C10orf90: variants seen among roughly 807,000 people sequenced by gnomAD.
The protein encoded by C10orf90 is (E2-independent) E3 ubiquitin-conjugating enzyme FATS.
A neutral mutation model predicts 62.5 loss-of-function variants in C10orf90; 56 were observed. The ratio of observed to expected loss-of-function variants is 0.90; its 90% CI spans 0.72 to 1.12. C10orf90 has a LOEUF of 1.12. Among genes scored for constraint, C10orf90 ranks in the 50% most tolerant of loss-of-function variants. C10orf90 has a pLI of 0.00. For missense variants in C10orf90, 970 were observed against 880.4 expected (o/e 1.10, Z -1.29); for synonymous variants, 386 against 340.4 (o/e 1.13, Z -1.47).
chr10:126,539,572 C>T (rs149249360), intron 2 of C10orf90, among the ~76,000 whole-genome samples: 208 of 152,186 alleles, frequency 1.4e-3, no homozygotes, highest in African/African-American at 4.7e-3. Flanking sequence ...GAAATAAATT[C>T]GTTCCATAAA....
At chr10:126,434,742 C>T (rs1476366284) in intron 7 of C10orf90, among the ~76,000 whole-genome samples, 1 of 152,186 alleles carries the variant, frequency 6.6e-6, no homozygotes. Context: ...GATCACAAGG[C>T]TGTGCATTAT....
intron 2 of C10orf90, among the ~76,000 whole-genome samples, chr10:126,580,602 G>A (rs1240711870): frequency 5.3e-5 from 8 of 150,634 alleles, no homozygotes; most frequent in East Asian, 2.0e-4. Context: ...GCAGTGAGCC[G>A]AGATTGTGCC....
At chr10:126,638,391 C>G (rs1845995428) in intron 2 of C10orf90, among the ~76,000 whole-genome samples, 1 of 152,106 alleles carries the variant, frequency 6.6e-6, no homozygotes, top group African/African-American at 2.4e-5. Flanking sequence ...TTGCTGCACC[C>G]CTGACACTGC....
At chr10:126,524,821 G>A in intron 2 of C10orf90, 3 of 985,554 alleles carry the variant, frequency 3.0e-6, no homozygotes, top group Non-Finnish European at 2.4e-6. Context: ...GCATGTGTGA[G>A]AGGGAGGCAG....
Position 126,609,591 on chromosome 10 carries a change from G to A in C10orf90, c.313+36974C>T, listed in dbSNP as rs916512303. ...AATTGCGGTGCTCAGGTTCTGCCAAGGGCAGCAGACAGTGAACCACATGAA... is the reference window on the plus strand; with the variant it reads ...AATTGCGGTGCTCAGGTTCTGCCAAAGGCAGCAGACAGTGAACCACATGAA... On this transcript the variant is annotated intron_variant, in intron 2 of 9. Coordinates refer to ENST00000488181, the MANE Select transcript of C10orf90 (RefSeq NM_001350921.2). Among the ~76,000 whole-genome samples the A allele has an allele frequency of 1.6e-4, 24 of 152,334 alleles. No individual in the cohort carries two copies. The East Asian group carries it at 2.1e-3, about 13-fold the overall frequency.
chr10:126,502,085 C>A (rs1862431904), intron 4 of C10orf90, among the ~76,000 whole-genome samples: 1 of 146,014 alleles, frequency 6.8e-6, no homozygotes, highest in African/African-American at 2.6e-5. Context: ...ACACACACAC[C>A]ACACAACCAC....
intron 1 of C10orf90, among the ~76,000 whole-genome samples, chr10:126,653,529 G>T (rs1488165914): frequency 1.3e-5 from 2 of 152,094 alleles, no homozygotes; most frequent in South Asian, 2.1e-4. Context: ...ACATCTTCAG[G>T]CTCCACTTCT....
chr10:126,527,163 T>C (rs1157150043), intron 2 of C10orf90, among the ~76,000 whole-genome samples: 1 of 152,202 alleles, frequency 6.6e-6, no homozygotes, highest in Non-Finnish European at 1.5e-5. Context: ...AAGTGTACCA[T>C]TTTGCATTCC....
chr10:126,600,189 G>T (rs1845171654), intron 2 of C10orf90, among the ~76,000 whole-genome samples: 1 of 152,176 alleles, frequency 6.6e-6, no homozygotes, highest in Non-Finnish European at 1.5e-5. Context: ...ACGTGTGTGT[G>T]CATCGCATGT....
intron 2 of C10orf90, among the ~76,000 whole-genome samples, chr10:126,558,657 G>A (rs1236130098): frequency 1.3e-5 from 2 of 152,192 alleles, no homozygotes; most frequent in African/African-American, 2.4e-5. Flanking sequence ...CTTGCTCTGT[G>A]GCCCTCAGCA....
At chr10:126,435,772 C>T (rs1451145676) in intron 7 of C10orf90, among the ~76,000 whole-genome samples, 1 of 152,138 alleles carries the variant, frequency 6.6e-6, no homozygotes, top group East Asian at 1.9e-4. Flanking sequence ...CCCTTCACTT[C>T]CTGACTCCCT....
chr10:126,503,333 C>T (rs781124677), intron 4 of C10orf90, among the ~76,000 whole-genome samples: 3 of 152,168 alleles, frequency 2.0e-5, no homozygotes, highest in Non-Finnish European at 4.4e-5. Context: ...CCCCAGAAGA[C>T]AAAACCAGGG....
intron 7 of C10orf90, among the ~76,000 whole-genome samples, chr10:126,432,795 G>A (rs1232415290): frequency 1.3e-5 from 2 of 152,208 alleles, no homozygotes; most frequent in Non-Finnish European, 2.9e-5. Context: ...TGTTGGCATT[G>A]GAATCTCAAC....
Position 126,631,161 on chromosome 10 carries a change from C to T in C10orf90, c.313+15404G>A, listed in dbSNP as rs114078286. On this transcript the variant is annotated intron_variant, in intron 2 of 9. Coordinates refer to ENST00000488181, the MANE Select transcript of C10orf90 (RefSeq NM_001350921.2). The stretch of plus-strand genomic sequence containing the variant: ...ACAACAGTCTTCTCACAAAGCAAAA[C>T]GAAGCCTGTCACTCCCTCCTTTTGT... 4.6e-3 allele frequency among the ~76,000 whole-genome samples: 707 copies of T among 152,272 alleles called. 7 individuals carry two copies. Among genetic ancestry groups the T allele is most frequent in the African/African-American group, 0.016 (678 of 41,556 alleles).
At chr10:126,437,137 G>T (rs538833931) in intron 7 of C10orf90, among the ~76,000 whole-genome samples, 1 of 152,176 alleles carries the variant, frequency 6.6e-6, no homozygotes, top group Non-Finnish European at 1.5e-5. Flanking sequence ...CAGGGGTTTT[G>T]TGTGTAGGTA....
intron 3 of C10orf90, among the ~76,000 whole-genome samples, chr10:126,512,398 GTGTGTC>G (rs773385040): frequency 0.068 from 1,402 of 20,478 alleles, 18 homozygotes; most frequent in South Asian, 0.35. Context: ...GTGTGTGTGT[GTGTGTC>G]TGTGTGTCTG....
At chr10:126,635,992 C>T (rs1845944002) in intron 2 of C10orf90, among the ~76,000 whole-genome samples, 1 of 152,114 alleles carries the variant, frequency 6.6e-6, no homozygotes, top group Non-Finnish European at 1.5e-5. Context: ...GTGGCATTGT[C>T]AAATACCAGC....
chr10:126,505,284 G>A (rs954905763), intron 3 of C10orf90, among the ~76,000 whole-genome samples, 199 bp from the exon 4 acceptor site: 2 of 152,194 alleles, frequency 1.3e-5, no homozygotes, highest in Admixed American at 6.5e-5. Context: ...CAAGTTACAC[G>A]TTCTGGAAAC....
chr10:126,434,968 C>CAT (rs1830090850), intron 7 of C10orf90, among the ~76,000 whole-genome samples: 1 of 152,200 alleles, frequency 6.6e-6, no homozygotes. Flanking sequence ...GTTAACGACT[C>CAT]ATAGGTGGTT....
Sources: gnomAD v4.1 joint callset for allele counts (sites outside exome capture counted in the v4.1 genomes callset) on GRCh38, gnomAD v4.1.1 for gene constraint, MANE v1.5 for transcripts, NCBI Gene and HGNC (gene_info 2026-07-23, HGNC 2026-07-21) for gene names.